Variants in AKT3 observed in about 807,000 individuals in gnomAD.
The protein encoded by AKT3 is RAC-gamma serine/threonine-protein kinase.
A neutral mutation model predicts 65.3 loss-of-function variants in AKT3; 15 were observed. That is an observed-to-expected ratio of 0.23 (90% CI 0.15 to 0.35). The LOEUF (loss-of-function observed/expected upper bound fraction) is 0.35, where lower values mean the gene tolerates loss of function less well. Among genes scored for constraint, AKT3 ranks in the 10% least tolerant of loss-of-function variants. The pLI is 1.00. For missense variants in AKT3, 243 were observed against 576.5 expected, an observed-to-expected ratio of 0.42 and a Z score of 5.92; for synonymous variants, 206 against 183.8, an observed-to-expected ratio of 1.12 and a Z score of -0.98.
chr1:243,691,220 G>A (rs1012918617), intron 3 of AKT3, among the ~76,000 whole-genome samples: 2 of 152,160 alleles, frequency 1.3e-5, no homozygotes, highest in African/African-American at 4.8e-5. Context: ...AGCAGCATAG[G>A]TTGTACAGGG....
At chr1:243,527,915 A>T (rs1175309671) in intron 12 of AKT3, among the ~76,000 whole-genome samples, 1 of 98,146 alleles carries the variant, frequency 1.0e-5, no homozygotes, top group African/African-American at 4.8e-5. Context: ...ACACACACAC[A>T]CACACACACA....
At chr1:243,839,991 G>A (rs1479805325) in intron 2 of AKT3, among the ~76,000 whole-genome samples, 2 of 151,860 alleles carry the variant, frequency 1.3e-5, no homozygotes, top group Non-Finnish European at 2.9e-5. Flanking sequence ...CACCAACCTG[G>A]CTAACACGGT....
At chr1:243,632,867 T>C (rs1188629321) in intron 6 of AKT3, among the ~76,000 whole-genome samples, 1 of 152,196 alleles carries the variant, frequency 6.6e-6, no homozygotes, top group African/African-American at 2.4e-5. Flanking sequence ...TTCTGCAGCT[T>C]CCTTACTTCT....
intron 9 of AKT3, among the ~76,000 whole-genome samples, chr1:243,568,586 T>C (rs1674343313): frequency 6.6e-6 from 1 of 152,200 alleles, no homozygotes. Context: ...TTTTTAAATC[T>C]TTTTTCCTGT....
At chr1:243,781,157 A>G (rs1690886242) in intron 2 of AKT3, among the ~76,000 whole-genome samples, 1 of 152,136 alleles carries the variant, frequency 6.6e-6, no homozygotes, top group Non-Finnish European at 1.5e-5. Flanking sequence ...CTTTATAAAC[A>G]TGATACCACA....
chr1:243,488,584 T>C lies in AKT3; in HGVS notation c.*7-134A>G, dbSNP rs369118309. On this transcript the variant is annotated intron_variant, in intron 13 of 13. Transcript: ENST00000336199. Reference sequence around the variant, plus strand: ...CCGGAGCTCGTGATTGACTGAGTGATTAATAATGGAAAACCCTTACTTCAG... The same window carrying C: ...CCGGAGCTCGTGATTGACTGAGTGACTAATAATGGAAAACCCTTACTTCAG... 1.3e-5 allele frequency: 3 copies of C among 230,674 alleles called. No homozygotes were observed. The East Asian group carries it at 3.3e-4, about 25-fold the overall frequency. The allele number at this position is 230,674 out of a possible 1,614,324, so 14.3% of individuals were successfully genotyped here.
chr1:243,815,538 C>A (rs1693456491), intron 2 of AKT3, among the ~76,000 whole-genome samples: 1 of 152,112 alleles, frequency 6.6e-6, no homozygotes, highest in South Asian at 2.1e-4. Flanking sequence ...AAGCTTGTAG[C>A]CAGTTCCAAA....
chr1:243,823,538 A>G (rs1228530561), intron 2 of AKT3, among the ~76,000 whole-genome samples: 1 of 152,210 alleles, frequency 6.6e-6, no homozygotes, highest in African/African-American at 2.4e-5. Context: ...CTCAGCCCAA[A>G]AGCTTCTTAA....
At chr1:243,712,687 A>G (rs10927060) in intron 2 of AKT3, among the ~76,000 whole-genome samples, 79,533 of 151,948 alleles carry the variant, frequency 0.52, 24,081 homozygotes, top group Non-Finnish European at 0.68. Flanking sequence ...TTGGTGTTCT[A>G]GAAAATAAGT....
At chr1:243,839,054 G>A (rs959654252) in intron 2 of AKT3, among the ~76,000 whole-genome samples, 1 of 152,054 alleles carries the variant, frequency 6.6e-6, no homozygotes, top group African/African-American at 2.4e-5. Context: ...TATTATCAAG[G>A]AACTAGCTTT....
intron 4 of AKT3, among the ~76,000 whole-genome samples, chr1:243,661,541 T>C (rs1213198583): frequency 1.3e-5 from 2 of 150,152 alleles, no homozygotes; most frequent in Admixed American, 6.6e-5. Flanking sequence ...TTACACCTTA[T>C]ACAAAAATCA....
At chr1:243,516,730 C>CCGCT (rs1670384194) in intron 12 of AKT3, among the ~76,000 whole-genome samples, 1 of 152,034 alleles carries the variant, frequency 6.6e-6, no homozygotes, top group Non-Finnish European at 1.5e-5. Context: ...GCCTCAGCCT[C>CCGCT]CTGAGCAGCT....
chr1:243,723,094 T>C (rs988129505), intron 2 of AKT3, among the ~76,000 whole-genome samples: 2 of 152,212 alleles, frequency 1.3e-5, no homozygotes, highest in Admixed American at 1.3e-4. Context: ...CCAGGCCCTT[T>C]ATCTGAGGGA....
chr1:243,569,576 C>T (rs1674406707), intron 9 of AKT3, among the ~76,000 whole-genome samples: 1 of 152,174 alleles, frequency 6.6e-6, no homozygotes, highest in African/African-American at 2.4e-5. Context: ...ATAAAACTCT[C>T]TGAAGCCACC....
intron 2 of AKT3, among the ~76,000 whole-genome samples, chr1:243,746,707 T>C (rs1163562394): frequency 6.6e-6 from 1 of 152,212 alleles, no homozygotes. Flanking sequence ...CAATTGTTTG[T>C]TTTTAAAGAA....
At chr1:243,772,425 CAT>C (rs1244736813) in intron 2 of AKT3, among the ~76,000 whole-genome samples, 3 of 152,144 alleles carry the variant, frequency 2.0e-5, no homozygotes, top group African/African-American at 7.2e-5. Flanking sequence ...AGCCAAAAGA[CAT>C]ATGAAAAAAT....
At chr1:243,521,357 T>C (rs985878979) in intron 12 of AKT3, among the ~76,000 whole-genome samples, 2 of 152,188 alleles carry the variant, frequency 1.3e-5, no homozygotes, top group Non-Finnish European at 2.9e-5. Flanking sequence ...CATGAGAAAG[T>C]AGTCAATCAT....
rs553734288 is a variant in AKT3, at chr1:243,502,231, T to C, written c.*3018A>G. ...GCAAAGTGTGTATGTTGAGGTGTAA[T>C]AGAGAGACCCTGCAGTTAGTAAGGA... On this transcript the variant is annotated 3_prime_UTR_variant, in exon 14 of 14. Coordinates refer to ENST00000673466, the MANE Select transcript of AKT3 (RefSeq NM_005465.7). 1.7e-5 allele frequency: 4 copies of C among 232,564 alleles called. No homozygotes were observed. The highest frequency in any genetic ancestry group is 4.4e-5 in the African/African-American group (2 of 45,384). The allele number at this position is 232,564 out of a possible 1,614,324, so 14.4% of individuals were successfully genotyped here.
chr1:243,573,883 C>G (rs1297653578), intron 8 of AKT3, among the ~76,000 whole-genome samples: 17 of 152,090 alleles, frequency 1.1e-4, no homozygotes. Flanking sequence ...AAAGAAACTA[C>G]AAATATTATC....
Sources: allele counts gnomAD v4.1 joint callset (sites outside exome capture counted in the v4.1 genomes callset), GRCh38; gene constraint gnomAD v4.1.1; transcripts MANE v1.5; gene names NCBI Gene and HGNC (gene_info 2026-07-23, HGNC 2026-07-21).